CCNY: variants seen among roughly 807,000 people sequenced by gnomAD.
CCNY encodes the protein cyclin Y, also known as cyclin-Y.
CCNY carries 19 observed loss-of-function variants against 42.8 expected under a neutral mutation model. The observed-to-expected ratio is 0.44, with a 90% CI of 0.31 to 0.65. The LOEUF is 0.65. Among genes scored for constraint, CCNY ranks in the 30% least tolerant of loss-of-function variants. CCNY has a pLI of 0.07. For synonymous variants in CCNY, 165 were observed against 162.7 expected (o/e 1.01, Z -0.11); for missense variants, 370 against 437.3 (o/e 0.85, Z 1.37).
chr10:35,413,575 A>G (rs1252508350), intron 1 of CCNY, among the ~76,000 whole-genome samples: 1 of 152,192 alleles, frequency 6.6e-6, no homozygotes, highest in Admixed American at 6.5e-5. Context: ...AGTGTCTGGG[A>G]CAGAAGCTCT....
At chr10:35,400,469 A>C (rs1044813303) in intron 1 of CCNY, among the ~76,000 whole-genome samples, 1 of 152,168 alleles carries the variant, frequency 6.6e-6, no homozygotes, top group Non-Finnish European at 1.5e-5. Flanking sequence ...TGCTGACTTG[A>C]TTGGATTACC....
chr10:35,253,321 C>T (rs2095713223), intron 3 of CCNY, among the ~76,000 whole-genome samples: 1 of 151,886 alleles, frequency 6.6e-6, no homozygotes, highest in South Asian at 2.1e-4. Flanking sequence ...GCTATCACAG[C>T]TCACTATAGC....
chr10:35,348,178 A>G (rs920617257), intron 1 of CCNY, among the ~76,000 whole-genome samples: 3 of 152,250 alleles, frequency 2.0e-5, no homozygotes, highest in African/African-American at 7.2e-5. Context: ...CTATATTCTG[A>G]AAGCCAAAGC....
Position 35,494,570 on chromosome 10 carries a change from T to C in CCNY, c.230-6931T>C, listed in dbSNP as rs77568787. On this transcript the variant is annotated intron_variant, in intron 2 of 9. Coordinates refer to ENST00000374704, the MANE Select transcript of CCNY (RefSeq NM_145012.6). ...GGGGCATGTAAGTTTGTAGAAGCAA[T>C]GAAGGAAGTTGCCTAAAAATGAAAA... Among the ~76,000 whole-genome samples the C allele has an allele frequency of 1.3e-4, 20 of 152,186 alleles. No individual in the cohort carries two copies. The East Asian group carries it at 3.7e-3, about 28-fold the overall frequency.
chr10:35,383,010 G>A (rs1837222892), intron 1 of CCNY, among the ~76,000 whole-genome samples: 1 of 152,166 alleles, frequency 6.6e-6, no homozygotes, highest in Non-Finnish European at 1.5e-5. Context: ...AGCCACATTA[G>A]TCCACTTATA....
intron 1 of CCNY, among the ~76,000 whole-genome samples, chr10:35,406,759 G>A (rs1268587861): frequency 6.6e-6 from 1 of 152,184 alleles, no homozygotes; most frequent in South Asian, 2.1e-4. Context: ...CCTCCCAGAC[G>A]GGGTGGTGGC....
intron 1 of CCNY, among the ~76,000 whole-genome samples, chr10:35,438,350 C>A (rs994953670): frequency 1.3e-5 from 2 of 151,748 alleles, no homozygotes; most frequent in African/African-American, 4.8e-5. Flanking sequence ...GAGATAAGAT[C>A]TCACTATGTT....
chr10:35,571,402 C>A lies in CCNY; in HGVS notation c.*2232C>A, dbSNP rs995653545. 6.6e-6 allele frequency: 1 copy of A among 152,360 alleles called. No individual in the cohort carries two copies. Among genetic ancestry groups the A allele is most frequent in the Non-Finnish European group, 1.5e-5 (1 of 68,038 alleles). The allele number at this position is 152,360 out of a possible 1,614,324, so 9.4% of individuals were successfully genotyped here. ...TTAAAGTGGATTCCATAAAACCAGA[C>A]TCAAGTCTTGTTTAGACTACTGAAT... On this transcript the variant is annotated 3_prime_UTR_variant, in exon 10 of 10. Transcript: ENST00000374704.
At chr10:35,307,788 GTGT>G (rs1835627795) in intron 3 of CCNY, among the ~76,000 whole-genome samples, 1 of 80,396 alleles carries the variant, frequency 1.2e-5, no homozygotes, top group Non-Finnish European at 2.3e-5. Context: ...GTGTGTGTGT[GTGT>G]GTGTGTGTGT....
At chr10:35,569,016 G>T in intron 9 of CCNY, 38 bp from the exon 10 acceptor site, 2 of 1,382,622 alleles carry the variant, frequency 1.4e-6, no homozygotes. Flanking sequence ...ACGCAGATAT[G>T]GCCCGCCCTG....
chr10:35,408,116 G>A (rs556485465), intron 1 of CCNY, among the ~76,000 whole-genome samples: 1 of 152,338 alleles, frequency 6.6e-6, no homozygotes, highest in Admixed American at 6.5e-5. Context: ...GATAGTGAGA[G>A]AGGTTGGAGA....
At chr10:35,261,894 G>A (rs924586540) in intron 3 of CCNY, among the ~76,000 whole-genome samples, 1 of 152,040 alleles carries the variant, frequency 6.6e-6, no homozygotes, top group Admixed American at 6.6e-5. Context: ...GGTGGTGCGT[G>A]CCTGTAATCC....
In CCNY at chr10:35,307,814, ATATAT is replaced by A. The variant is rs1428187242; in HGVS notation, c.-9+57190_-9+57194del. Among the ~76,000 whole-genome samples the A allele has an allele frequency of 2.3e-3, 147 of 63,506 alleles. 7 individuals carry two copies. Among genetic ancestry groups the A allele is most frequent in the Middle Eastern group, 0.011 (1 of 88 alleles). 41.7% of individuals were successfully genotyped at this position (63,506 alleles called of 152,430 possible). On this transcript the variant is annotated intron_variant, in intron 3 of 11. Transcript: ENST00000374706. ...TGTGTGTGTGTGTATATATATATAT[ATATAT>A]TTTTTTTTTTTTTTCTGAGATGGAG... is the stretch of plus-strand genomic sequence containing the variant.
chr10:35,348,069 T>TC (rs1009844927), intron 1 of CCNY, among the ~76,000 whole-genome samples: 9 of 152,234 alleles, frequency 5.9e-5, no homozygotes, highest in Admixed American at 4.6e-4. Flanking sequence ...CAGCCTTTTT[T>TC]CCCTCAAGCT....
At chr10:35,262,972 C>A (rs1371905538) in intron 3 of CCNY, among the ~76,000 whole-genome samples, 1 of 151,570 alleles carries the variant, frequency 6.6e-6, no homozygotes, top group East Asian at 1.9e-4. Flanking sequence ...AATCTCAGCA[C>A]TTTGTGAGGC....
chr10:35,407,094 T>C (rs1040493459), intron 1 of CCNY, among the ~76,000 whole-genome samples: 1 of 152,138 alleles, frequency 6.6e-6, no homozygotes, highest in Non-Finnish European at 1.5e-5. Flanking sequence ...CTAACTGATT[T>C]GGGAGAGGTC....
At chr10:35,371,855 A>G (rs1055033455) in intron 1 of CCNY, among the ~76,000 whole-genome samples, 3 of 152,340 alleles carry the variant, frequency 2.0e-5, no homozygotes, top group South Asian at 2.1e-4. Flanking sequence ...ATGATCAGCA[A>G]TTCTGAGTTC....
rs557943806 is a variant in CCNY at position 35,484,514 on chromosome 10, A to G, written c.229+1036A>G. Among the ~76,000 whole-genome samples, 5 of 152,278 alleles carry G rather than the reference A, an allele frequency of 3.3e-5. No homozygotes were observed. In the South Asian group the frequency reaches 1.0e-3, roughly 32 times the overall value. On this transcript the variant is annotated intron_variant, in intron 2 of 9. Transcript: ENST00000374704. ...GGCATCTAGTATTTAGGTTGGTGCA[A>G]AAGTAATTTCAGTTTTTGCCATTAA...
chr10:35,377,634 A>G (rs1273732398), intron 1 of CCNY, among the ~76,000 whole-genome samples: 1 of 152,236 alleles, frequency 6.6e-6, no homozygotes, highest in Non-Finnish European at 1.5e-5. Context: ...ATTTGATGGC[A>G]TGTGAATTAC....
Sources: gnomAD v4.1 joint callset for allele counts (sites outside exome capture counted in the v4.1 genomes callset) on GRCh38, gnomAD v4.1.1 for gene constraint, MANE v1.5 for transcripts, NCBI Gene and HGNC (gene_info 2026-07-23, HGNC 2026-07-21) for gene names.